Variants in FAP observed in about 807,000 individuals in gnomAD.
FAP encodes the protein fibroblast activation protein alpha, also known as prolyl endopeptidase FAP.
In FAP, 110 loss-of-function variants were observed where a neutral mutation model predicts 126.5. The observed-to-expected ratio is 0.87, with a 90% CI of 0.74 to 1.02. FAP has a LOEUF of 1.02. FAP is among the 50% of genes least tolerant of loss of function. The probability of loss-of-function intolerance (pLI) is 0.00; values close to 1 mark genes in which losing one functional copy is unlikely to be tolerated. For synonymous variants in FAP, 334 were observed against 297.3 expected (o/e 1.12, Z -1.27); for missense variants, 919 against 909.2 (o/e 1.01, Z -0.14).
Position 162,198,842 on chromosome 2 carries a change from A to G in FAP, c.1317T>C (p.Val439=), listed in dbSNP as rs562527243. 1 of 1,613,872 alleles carries G rather than the reference A, an allele frequency of 6.2e-7. No homozygotes were observed. The highest frequency in any genetic ancestry group is 1.7e-5 in the Admixed American group (1 of 60,016). The part of the protein sequence containing the change: ...IGSYPPSKKC[V]TCHLRKERCQ... ...ACCTTTCTTTCCTTAGATGGCAAGT[A>G]ACACACTTCTTGCTTGGAGGATAGC... Residue 439 remains valine (V), a synonymous_variant, in exon 16 of 26, where the codon GTT becomes GTC. Transcript: ENST00000188790.
chr2:162,172,640 C>G (rs1687351808), intron 25 of FAP, 171 bp downstream of exon 25: 2 of 570,312 alleles, frequency 3.5e-6, no homozygotes, highest in Non-Finnish European at 6.3e-6. Context: ...GCCTCGGGTC[C>G]TTCAGTAGTT....
rs865825466 is a variant in FAP, at chr2:162,192,196, T to C, written c.1451-2442A>G. Among the ~76,000 whole-genome samples the C allele has an allele frequency of 1.1e-4, 17 of 152,200 alleles. 1 individual carries two copies. Among genetic ancestry groups the C allele is most frequent in the Non-Finnish European group, 7.3e-5 (5 of 68,028 alleles). On this transcript the variant is annotated intron_variant, in intron 17 of 25. Transcript: ENST00000188790. Reference sequence around the variant, plus strand: ...CAGACCAACTGGAAATACTGTCTTTTTAAACTTACTTATGCAGACCTAATT... The same window carrying C: ...CAGACCAACTGGAAATACTGTCTTTCTAAACTTACTTATGCAGACCTAATT...
At chr2:162,241,079 C>A (rs1317754387) in intron 2 of FAP, among the ~76,000 whole-genome samples, 6 of 152,156 alleles carry the variant, frequency 3.9e-5, no homozygotes, top group African/African-American at 1.4e-4. Flanking sequence ...AGTTATTCAG[C>A]AAATTTAGAA....
intron 11 of FAP, 67 bp from the exon 12 acceptor site, chr2:162,210,063 A>G (rs1392535851): frequency 4.4e-6 from 6 of 1,357,964 alleles, no homozygotes; most frequent in Non-Finnish European, 6.3e-6. Flanking sequence ...TGTAATCTGG[A>G]CATTTGGAAA....
chr2:162,206,624 A>T (rs1308857001), intron 12 of FAP, among the ~76,000 whole-genome samples: 1 of 152,202 alleles, frequency 6.6e-6, no homozygotes, highest in East Asian at 1.9e-4. Context: ...TCTAAGCATG[A>T]TGCCTTCAGT....
chr2:162,206,266 T>A (rs1688691731), intron 12 of FAP, among the ~76,000 whole-genome samples: 1 of 152,240 alleles, frequency 6.6e-6, no homozygotes, highest in Non-Finnish European at 1.5e-5. Flanking sequence ...GGACCCTAGA[T>A]AAGCACCCAC....
chr2:162,205,563 A>G (rs1322637555), intron 12 of FAP, among the ~76,000 whole-genome samples: 2 of 151,462 alleles, frequency 1.3e-5, no homozygotes, highest in African/African-American at 4.9e-5. Flanking sequence ...CCCAGGCTGG[A>G]GTGCAAATAG....
intron 16 of FAP, among the ~76,000 whole-genome samples, chr2:162,195,545 T>C (rs1236984995): frequency 1.3e-5 from 2 of 151,520 alleles, no homozygotes; most frequent in African/African-American, 4.9e-5. Context: ...TTGGGGGGCG[T>C]GCTCAGCTGT....
At position 162,223,596 on chromosome 2, in the gene FAP, G is replaced by C. The variant is rs1168083696; in HGVS notation, c.413+12C>G. The C allele has an allele frequency of 6.6e-7, 1 of 1,518,740 alleles. No individual in the cohort carries two copies. Among genetic ancestry groups the C allele is most frequent in the Non-Finnish European group, 9.1e-7 (1 of 1,093,662 alleles). 94.1% of individuals were successfully genotyped at this position (1,518,740 alleles called of 1,614,324 possible). On this transcript the variant is annotated intron_variant, in intron 6 of 25. Transcript: ENST00000188790. The stretch of plus-strand genomic sequence containing the variant: ...TAGATTTAAGTAGTATTAATAAACA[G>C]AGGTGATTTACCCATTGCTAAGGTC...
chr2:162,186,616 G>T (rs981371603), intron 20 of FAP, among the ~76,000 whole-genome samples: 1 of 152,036 alleles, frequency 6.6e-6, no homozygotes, highest in Non-Finnish European at 1.5e-5. Flanking sequence ...TTTAACCAAT[G>T]CCAAAATAAA....
rs77137293 is a variant in FAP at position 162,208,254 on chromosome 2, TA to T, written c.1047+1697del. Among the ~76,000 whole-genome samples, 1,076 of 137,278 alleles carry T rather than the reference TA, an allele frequency of 7.8e-3. 10 individuals carry two copies. Among genetic ancestry groups the T allele is most frequent in the East Asian group, 0.065 (309 of 4,730 alleles). 90.1% of individuals were successfully genotyped at this position (137,278 alleles called of 152,430 possible). ...CTGGCAACAGAGTGAGATTCCGTCT[TA>T]AAAAAAAAAAAAAGGTCTAAAGCTT... On this transcript the variant is annotated intron_variant, in intron 12 of 25. Transcript: ENST00000188790.
At chr2:162,207,742 G>T (rs1283905291) in intron 12 of FAP, among the ~76,000 whole-genome samples, 2 of 147,870 alleles carry the variant, frequency 1.4e-5, no homozygotes, top group African/African-American at 5.0e-5. Flanking sequence ...ACAGAGTCTC[G>T]CTCTGTCGCC....
At chr2:162,178,741 T>C (rs1019352717) in intron 21 of FAP, among the ~76,000 whole-genome samples, 1 of 152,190 alleles carries the variant, frequency 6.6e-6, no homozygotes, top group African/African-American at 2.4e-5. Context: ...TATTGACCAA[T>C]TGACTCCAAA....
chr2:162,240,913 G>T (rs1375647072), intron 2 of FAP, among the ~76,000 whole-genome samples: 1 of 152,164 alleles, frequency 6.6e-6, no homozygotes, highest in Non-Finnish European at 1.5e-5. Context: ...GGAGATGATT[G>T]ATTGACCAGT....
chr2:162,240,044 C>G (rs1427692423), intron 2 of FAP, among the ~76,000 whole-genome samples: 1 of 152,110 alleles, frequency 6.6e-6, no homozygotes, highest in Non-Finnish European at 1.5e-5. Flanking sequence ...CACTCTCAGC[C>G]TTGTTGCATA....
chr2:162,227,544 T>C (rs189519062), intron 2 of FAP, among the ~76,000 whole-genome samples: 28 of 152,208 alleles, frequency 1.8e-4, no homozygotes, highest in African/African-American at 6.3e-4. Context: ...CTAAAACTTA[T>C]AGGAAGATCC....
Position 162,198,335 on chromosome 2 carries a change from G to A in FAP, c.1402+422C>T, listed in dbSNP as rs757736300. On this transcript the variant is annotated intron_variant, in intron 16 of 25. Transcript: ENST00000188790. Reference sequence around the variant, plus strand: ...AGTTTGATATTTCTCTGGGCAAAGGGGGCCAAAAGTCCAGCAACCATTTTA... The same window carrying A: ...AGTTTGATATTTCTCTGGGCAAAGGAGGCCAAAAGTCCAGCAACCATTTTA... 3 of 1,284,326 alleles carry A rather than the reference G, an allele frequency of 2.3e-6. No homozygotes were observed. In the South Asian group the frequency reaches 3.8e-5, roughly 16 times the overall value. The allele number at this position is 1,284,326 out of a possible 1,614,324, so 79.6% of individuals were successfully genotyped here.
Position 162,243,339 on chromosome 2 carries a change from T to G in FAP, c.-12A>C. 1.9e-6 allele frequency: 3 copies of G among 1,610,742 alleles called. No individual in the cohort carries two copies. Among genetic ancestry groups the G allele is most frequent in the Non-Finnish European group, 2.5e-6 (3 of 1,178,294 alleles). ...ATACTAACCTTCATTTTTCCAGATG[T>G]TTTTGAAAGTTAGCTAATTCTGTCT... On this transcript the variant is annotated 5_prime_UTR_variant, in exon 1 of 26. Transcript: ENST00000188790.
intron 21 of FAP, 138 bp downstream of exon 21, chr2:162,183,276 T>G (rs1687752621): frequency 1.3e-6 from 1 of 750,922 alleles, no homozygotes; most frequent in South Asian, 1.6e-5. Context: ...GCCCAGATTA[T>G]CCAAACTGAC....
Sources: gnomAD v4.1 joint callset for allele counts (sites outside exome capture counted in the v4.1 genomes callset) on GRCh38, gnomAD v4.1.1 for gene constraint, MANE v1.5 for transcripts, NCBI Gene and HGNC (gene_info 2026-07-23, HGNC 2026-07-21) for gene names.